CNTNAP4: variants seen among roughly 807,000 people sequenced by gnomAD.
The protein encoded by CNTNAP4 is contactin associated protein family member 4.
Under a neutral mutation model 148.4 loss-of-function variants are expected in CNTNAP4, and 98 were observed. That is an observed-to-expected ratio of 0.66 (90% CI 0.56 to 0.78). CNTNAP4 has a LOEUF of 0.78. Ranked by LOEUF, CNTNAP4 falls within the 30% of genes least tolerant of loss-of-function variation. CNTNAP4 has a pLI of 0.00. For synonymous variants in CNTNAP4, 730 were observed against 565.1 expected, an observed-to-expected ratio of 1.29 and a Z score of -4.14; for missense variants, 1,935 against 1,565.6, an observed-to-expected ratio of 1.24 and a Z score of -3.98.
At chr16:76,409,059 G>A (rs5021012) in intron 3 of CNTNAP4, among the ~76,000 whole-genome samples, 54,122 of 151,754 alleles carry the variant, frequency 0.36, 11,096 homozygotes, top group Non-Finnish European at 0.44. Flanking sequence ...AAGATTTTGT[G>A]ACTGTCCTGG....
intron 9 of CNTNAP4, among the ~76,000 whole-genome samples, chr16:76,463,500 G>A (rs2081060147): frequency 6.6e-6 from 1 of 152,038 alleles, no homozygotes; most frequent in African/African-American, 2.4e-5. Flanking sequence ...CATGTACTCT[G>A]TAATTTTGCT....
At chr16:76,326,804 T>TC (rs1963027501) in intron 2 of CNTNAP4, among the ~76,000 whole-genome samples, 1 of 30,160 alleles carries the variant, frequency 3.3e-5, no homozygotes, top group Non-Finnish European at 6.7e-5. Context: ...TGTTGTGGGG[T>TC]GGGGGTGGGG....
intron 11 of CNTNAP4, among the ~76,000 whole-genome samples, chr16:76,476,594 T>C (rs1209426755): frequency 1.3e-5 from 2 of 152,180 alleles, no homozygotes; most frequent in African/African-American, 4.8e-5. Flanking sequence ...TTCTGGAGGC[T>C]GAGAAGTTCA....
chr16:76,355,219 C>A, intron 2 of CNTNAP4, 99 bp from the exon 3 acceptor site: 2 of 774,820 alleles, frequency 2.6e-6, no homozygotes, highest in Non-Finnish European at 3.8e-6. Flanking sequence ...TATTTAAGTT[C>A]CATAGAGGAA....
intron 3 of CNTNAP4, among the ~76,000 whole-genome samples, chr16:76,419,633 A>G (rs1015627019): frequency 2.6e-5 from 4 of 151,882 alleles, no homozygotes; most frequent in Admixed American, 6.6e-5. Flanking sequence ...GACTCTTTGG[A>G]TGGTCCCGTC....
chr16:76,549,362 G>A (rs1031938228), intron 21 of CNTNAP4, among the ~76,000 whole-genome samples: 16 of 152,236 alleles, frequency 1.1e-4, no homozygotes, highest in African/African-American at 3.1e-4. Flanking sequence ...TCTTAGGGCT[G>A]TGGCCTGCAG....
rs550318138 is a variant in CNTNAP4, at chr16:76,535,927, A to G, written c.2995+143A>G. On this transcript the variant is annotated intron_variant, in intron 18 of 23. Transcript: ENST00000611870. ...GGCAAAGTATCTGTTGAATGTAAAG[A>G]ATGAGTACAAGATCCTGGTGATGAG... is the stretch of plus-strand genomic sequence containing the variant. 1.6e-4 allele frequency: 127 copies of G among 815,984 alleles called. 2 individuals are homozygous for G. The African/African-American group carries it at 1.9e-3, about 12-fold the overall frequency. The allele number at this position is 815,984 out of a possible 1,614,324, so 50.5% of individuals were successfully genotyped here.
At chr16:76,403,763 A>T (rs1597435364) in intron 3 of CNTNAP4, among the ~76,000 whole-genome samples, 1 of 152,226 alleles carries the variant, frequency 6.6e-6, no homozygotes, top group Non-Finnish European at 1.5e-5. Context: ...TTATTGCAGC[A>T]CTAGTCACAA....
intron 1 of CNTNAP4, among the ~76,000 whole-genome samples, chr16:76,279,648 A>C (rs575447726): frequency 6.6e-6 from 1 of 152,278 alleles, no homozygotes; most frequent in East Asian, 1.9e-4. Context: ...TTTTCATTAT[A>C]AAAAACATTT....
chr16:76,368,363 G>C (rs1197349488), intron 3 of CNTNAP4, among the ~76,000 whole-genome samples: 4 of 152,168 alleles, frequency 2.6e-5, no homozygotes, highest in Non-Finnish European at 5.9e-5. Context: ...CTACTATAAA[G>C]ATACATGCAC....
intron 17 of CNTNAP4, among the ~76,000 whole-genome samples, chr16:76,522,545 A>G (rs139411891): frequency 2.2e-4 from 34 of 151,396 alleles, no homozygotes; most frequent in Admixed American, 3.9e-4. Flanking sequence ...ACTAATTCCT[A>G]TTTGCCTGCC....
chr16:76,462,894 C>G (rs2081035993), intron 9 of CNTNAP4, among the ~76,000 whole-genome samples: 1 of 152,258 alleles, frequency 6.6e-6, no homozygotes, highest in South Asian at 2.1e-4. Flanking sequence ...TTGCTTGTAT[C>G]TGGAATCATT....
At chr16:76,497,023 C>T (rs771826065) in intron 14 of CNTNAP4, among the ~76,000 whole-genome samples, 3 of 152,064 alleles carry the variant, frequency 2.0e-5, no homozygotes, top group Non-Finnish European at 1.5e-5. Context: ...AAAAGAGCAT[C>T]TGAAATAACA....
chr16:76,419,365 A>G (rs1368134621), intron 3 of CNTNAP4, among the ~76,000 whole-genome samples: 1 of 151,972 alleles, frequency 6.6e-6, no homozygotes, highest in Non-Finnish European at 1.5e-5. Context: ...CCCTGAGCAT[A>G]CTTCACAGTC....
At chr16:76,426,099 T>A (rs2079388386) in intron 3 of CNTNAP4, among the ~76,000 whole-genome samples, 1 of 152,100 alleles carries the variant, frequency 6.6e-6, no homozygotes, top group Non-Finnish European at 1.5e-5. Context: ...GCCTGTGTTA[T>A]GTGAGCTTGA....
intron 23 of CNTNAP4, among the ~76,000 whole-genome samples, chr16:76,555,410 C>A (rs1463878614): frequency 6.6e-6 from 1 of 152,072 alleles, no homozygotes. Flanking sequence ...AATTGTATGT[C>A]TAAAAGAAAC....
intron 17 of CNTNAP4, among the ~76,000 whole-genome samples, chr16:76,535,079 G>A (rs928950366): frequency 1.3e-5 from 2 of 152,146 alleles, no homozygotes; most frequent in African/African-American, 4.8e-5. Context: ...ACAACCAAAG[G>A]ACCATATCAA....
At chr16:76,447,906 G>A (rs1478269119) in intron 4 of CNTNAP4, 106 bp from the exon 5 acceptor site, 2 of 725,738 alleles carry the variant, frequency 2.8e-6, no homozygotes, top group Non-Finnish European at 4.7e-6. Context: ...GTATATGCAT[G>A]TGTATGAGTA....
At chr16:76,325,366 T>C (rs2144186833) in intron 2 of CNTNAP4, among the ~76,000 whole-genome samples, 1 of 152,336 alleles carries the variant, frequency 6.6e-6, no homozygotes, top group East Asian at 1.9e-4. Flanking sequence ...ATACACATTC[T>C]TATTAAGTAT....
Sources: gnomAD v4.1 joint callset for allele counts (sites outside exome capture counted in the v4.1 genomes callset) on GRCh38, gnomAD v4.1.1 for gene constraint, MANE v1.5 for transcripts, NCBI Gene and HGNC (gene_info 2026-07-23, HGNC 2026-07-21) for gene names.